Variants in CYGB observed in about 807,000 individuals in gnomAD.
CYGB encodes the protein cytoglobin, also known as histoglobin.
CYGB carries 13 observed loss-of-function variants against 20.7 expected under a neutral mutation model. That is an observed-to-expected ratio of 0.63 (90% CI 0.41 to 1.00). The LOEUF is 1.00. Among genes scored for constraint, CYGB ranks in the 50% least tolerant of loss-of-function variants. The pLI, the probability that CYGB is intolerant of heterozygous loss-of-function variation, is 0.00. For missense variants in CYGB, 218 were observed against 257.2 expected (o/e 0.85, Z 1.04); for synonymous variants, 93 against 107.4 (o/e 0.87, Z 0.83).
At chr17:76,536,887 C>G (rs1177612576) in intron 1 of CYGB, among the ~76,000 whole-genome samples, 1 of 152,180 alleles carries the variant, frequency 6.6e-6, no homozygotes. Context: ...ACACTGGACC[C>G]CCCGGGCTCT....
At chr17:76,537,281 C>A (rs1271408702) in intron 1 of CYGB, 119 bp downstream of exon 1, 1 of 1,192,752 alleles carries the variant, frequency 8.4e-7, no homozygotes, top group Non-Finnish European at 1.1e-6. Context: ...GACCTCGGAC[C>A]GGCCCCATTC....
intron 1 of CYGB, among the ~76,000 whole-genome samples, chr17:76,547,919 C>T (rs1214351684): frequency 1.3e-5 from 2 of 151,004 alleles, no homozygotes; most frequent in Non-Finnish European, 2.9e-5. Flanking sequence ...CATTCACACA[C>T]ACATACACAT....
At chr17:76,538,035 C>G (rs545873632), upstream of CYGB, 1 of 150,370 alleles carries the variant, frequency 6.7e-6, no homozygotes, top group East Asian at 2.0e-4. Context: ...TGCGCTGGGG[C>G]GGGCGCGGGC....
At chr17:76,550,262 GTTCT>G (rs1208516601) in intron 1 of CYGB, 2 of 146,552 alleles carry the variant, frequency 1.4e-5, no homozygotes, top group South Asian at 2.2e-4. Context: ...AGCCTAGAAG[GTTCT>G]TTTTTTTTTT....
In CYGB at chr17:76,537,623, C is replaced by A; in HGVS notation, c.-81G>T. 6 of 982,256 alleles carry A rather than the reference C, an allele frequency of 6.1e-6. No homozygotes were observed. Among genetic ancestry groups the A allele is most frequent in the Non-Finnish European group, 7.2e-6 (6 of 828,720 alleles). 60.8% of individuals were successfully genotyped at this position (982,256 alleles called of 1,614,324 possible). A position where few individuals can be genotyped will look rare whatever the true frequency, so the allele number is the denominator to read the frequency against. ...GGCGCGGGGCGCGGGGCGCCGGGAGCCGGGGCCGGCTGCGTGCGCGGCGGG... is the reference window on the plus strand; with the variant it reads ...GGCGCGGGGCGCGGGGCGCCGGGAGACGGGGCCGGCTGCGTGCGCGGCGGG... On this transcript the variant is annotated 5_prime_UTR_variant, in exon 1 of 4. Coordinates refer to ENST00000293230, the MANE Select transcript of CYGB (RefSeq NM_134268.5).
chr17:76,539,660 C>T (rs1403460031), upstream of CYGB, among the ~76,000 whole-genome samples: 1 of 152,222 alleles, frequency 6.6e-6, no homozygotes, highest in Non-Finnish European at 1.5e-5. Flanking sequence ...ATGTCAGTAG[C>T]TTCGGCAGCG....
intron 1 of CYGB, among the ~76,000 whole-genome samples, chr17:76,549,747 A>T (rs556254606): frequency 6.6e-5 from 10 of 152,320 alleles, no homozygotes; most frequent in African/African-American, 2.4e-4. Context: ...AATGAAAAGG[A>T]AATGAACTGC....
chr17:76,535,620 T>C (rs1157940358), intron 1 of CYGB, among the ~76,000 whole-genome samples: 1 of 152,104 alleles, frequency 6.6e-6, no homozygotes, highest in East Asian at 1.9e-4. Context: ...GCATTGGTAA[T>C]GACCTCCCCC....
rs372547275 is a variant in CYGB at position 76,529,518 on chromosome 17, G to A, written c.540-907C>T. On this transcript the variant is annotated intron_variant, in intron 3 of 3. Transcript: ENST00000293230. The stretch of plus-strand genomic sequence containing the variant: ...GTGTTTCTGATTCACTGGGGCTCGC[G>A]CCCAGCCAGCTCTCTTTCCAGTCTC... 1.5e-4 allele frequency: 145 copies of A among 985,438 alleles called. No individual in the cohort carries two copies. The South Asian group carries it at 5.6e-3, about 38-fold the overall frequency. The allele number at this position is 985,438 out of a possible 1,614,324, so 61.0% of individuals were successfully genotyped here. A position where few individuals can be genotyped will look rare whatever the true frequency, so the allele number is the denominator to read the frequency against.
upstream of CYGB, chr17:76,540,668 T>A: frequency 2.4e-6 from 3 of 1,253,968 alleles, no homozygotes; most frequent in African/African-American, 1.5e-5. The surrounding 1 kb of genome is among the most constrained non-coding windows in gnomAD (Gnocchi z 5.0). Context: ...TGTGCGCGCC[T>A]GTGCGTGCAC....
chr17:76,529,175 T>C (rs545226190), intron 3 of CYGB: 2 of 984,320 alleles, frequency 2.0e-6, no homozygotes, highest in African/African-American at 3.5e-5. Flanking sequence ...AGGACTCTAC[T>C]CTGTAACTCC....
intron 1 of CYGB, chr17:76,543,979 A>G (rs1399277171): frequency 4.3e-6 from 2 of 462,786 alleles, no homozygotes; most frequent in Non-Finnish European, 8.8e-6. Context: ...AGCGTGTGGG[A>G]AGGAAAAAGC....
intron 1 of CYGB, chr17:76,544,180 T>C (rs951019656): frequency 2.2e-6 from 1 of 454,480 alleles, no homozygotes; most frequent in Non-Finnish European, 4.4e-6. Flanking sequence ...TCACAGCTAT[T>C]AGTCTTCAAA....
intron 1 of CYGB, among the ~76,000 whole-genome samples, chr17:76,547,977 CACAT>C (rs909624575): frequency 4.6e-5 from 7 of 151,702 alleles, no homozygotes; most frequent in Non-Finnish European, 8.8e-5. Context: ...CATAAACATA[CACAT>C]ACATACACAT....
chr17:76,529,265 G>A, intron 3 of CYGB: 1 of 985,458 alleles, frequency 1.0e-6, no homozygotes, highest in Non-Finnish European at 1.2e-6. Flanking sequence ...GGGTGGGCTA[G>A]AGGGTGTAAA....
upstream of CYGB, chr17:76,539,902 A>G (rs964602431): frequency 1.4e-5 from 8 of 592,030 alleles, no homozygotes; most frequent in African/African-American, 5.6e-5. Flanking sequence ...TACGTGCTCA[A>G]TGCCACAGTG....
upstream of CYGB, chr17:76,540,065 G>A: frequency 6.8e-7 from 1 of 1,470,266 alleles, no homozygotes; most frequent in Non-Finnish European, 9.3e-7. The surrounding 1 kb of genome is among the most constrained non-coding windows in gnomAD (Gnocchi z 5.0). Context: ...GCTCCTGAGA[G>A]CTGGCTGGGG....
chr17:76,541,678 T>C (rs2074994692), upstream of CYGB, among the ~76,000 whole-genome samples: 1 of 152,160 alleles, frequency 6.6e-6, no homozygotes, highest in African/African-American at 2.4e-5. Context: ...TAGTGCCTAA[T>C]TGATATCACT....
chr17:76,531,603 G>T lies in CYGB; in HGVS notation c.232C>A (p.Leu78Met). 2 of 1,613,862 alleles carry T rather than the reference G, an allele frequency of 1.2e-6. No homozygotes were observed. Among genetic ancestry groups the T allele is most frequent in the South Asian group, 2.2e-5 (2 of 91,090 alleles). The part of the protein sequence containing the change: ...DPLEMERSPQ[L>M]RKHACRVMGA... ...ATGACTCGGCAGGCGTGCTTCCGCA[G>T]CTGGGGGCTCCGCTCCATCTCCAGG... Residue 78 changes from leucine to methionine, a missense_variant, in exon 2 of 4, where the codon CTG becomes ATG. Coordinates refer to ENST00000293230, the MANE Select transcript of CYGB (RefSeq NM_134268.5). This position sits in a 1 kb window ranked among gnomAD's most constrained non-coding sequence, Gnocchi z 7.4.
Sources: allele counts gnomAD v4.1 joint callset (sites outside exome capture counted in the v4.1 genomes callset), GRCh38; gene constraint gnomAD v4.1.1; non-coding constraint Gnocchi (gnomAD v3.1); transcripts MANE v1.5; gene names NCBI Gene and HGNC (gene_info 2026-07-23, HGNC 2026-07-21).